NOX1: variants seen among roughly 807,000 people sequenced by gnomAD.
NOX1 encodes NADH/NADPH mitogenic oxidase subunit P65-MOX.
Under a neutral mutation model 42.5 loss-of-function variants are expected in NOX1, and 34 were observed. The observed-to-expected ratio is 0.80, with a 90% CI of 0.61 to 1.07. The LOEUF is 1.07. NOX1 is among the 50% of genes least tolerant of loss of function. The pLI, the probability that NOX1 is intolerant of heterozygous loss-of-function variation, is 0.00. For missense variants in NOX1, 408 were observed against 427.0 expected (o/e 0.96, Z 0.39); for synonymous variants, 143 against 152.5 (o/e 0.94, Z 0.46).
chrX:100,862,442 A>G lies in NOX1; in HGVS notation c.621T>C (p.Thr207=). ...GGATATAGAAGATAAAAAGGTGGTG[A>G]GTATACCAGAAGACTTCAAAATAAC... ...RRSYFEVFWY[T]HHLFIFYILG... Residue 207 remains threonine, a synonymous_variant, in exon 6 of 13, where the codon ACT becomes ACC. Coordinates refer to ENST00000372966, the MANE Select transcript of NOX1 (RefSeq NM_007052.5). The G allele has an allele frequency of 1.7e-6, 2 of 1,211,038 alleles. No individual in the cohort carries two copies. The highest frequency in any genetic ancestry group is 2.2e-6 in the Non-Finnish European group (2 of 894,780).
intron 7 of NOX1, among the ~76,000 whole-genome samples, chrX:100,852,184 T>C (rs1331642194): frequency 8.9e-6 from 1 of 112,297 alleles, no homozygotes; most frequent in East Asian, 2.8e-4. Flanking sequence ...AAGGCAGCTT[T>C]TTGGCCAGGC....
intron 7 of NOX1, among the ~76,000 whole-genome samples, chrX:100,854,806 G>A (rs1446335278): frequency 9.0e-6 from 1 of 111,077 alleles, no homozygotes; most frequent in Non-Finnish European, 1.9e-5. Flanking sequence ...TTACACCAAG[G>A]TTTCTGAAGA....
At chrX:100,851,398 A>C in intron 7 of NOX1, 73 bp from the exon 8 acceptor site, 1 of 528,682 alleles carries the variant, frequency 1.9e-6, no homozygotes, top group African/African-American at 2.4e-5. Flanking sequence ...GTAGCAGTTC[A>C]TCCTTCATTC....
intron 9 of NOX1, 43 bp from the exon 10 acceptor site, chrX:100,849,977 C>T (rs763564875): frequency 4.4e-5 from 49 of 1,115,250 alleles, no homozygotes; most frequent in Admixed American, 1.9e-4. Flanking sequence ...AGACTCCCCT[C>T]CACCTCCAAC....
chrX:100,858,480 A>G (rs1042293542), intron 7 of NOX1, among the ~76,000 whole-genome samples: 2 of 111,062 alleles, frequency 1.8e-5, no homozygotes, highest in African/African-American at 6.6e-5. Flanking sequence ...TGTCATTGGT[A>G]GTTTGGTAGG....
intron 12 of NOX1, among the ~76,000 whole-genome samples, chrX:100,847,949 G>C (rs1477316426): frequency 2.7e-5 from 3 of 109,850 alleles, no homozygotes; most frequent in Non-Finnish European, 5.7e-5. Context: ...AGCTCAGGTG[G>C]CCAGTAAACT....
intron 2 of NOX1, among the ~76,000 whole-genome samples, chrX:100,869,351 T>C (rs1320676519): frequency 9.2e-6 from 1 of 109,043 alleles, no homozygotes; most frequent in African/African-American, 3.3e-5. Context: ...CAGCGGTTTG[T>C]AGTTCTCCTT....
chrX:100,866,607 T>G (rs1191749568), intron 2 of NOX1, among the ~76,000 whole-genome samples: 1 of 110,549 alleles, frequency 9.0e-6, no homozygotes, highest in Admixed American at 9.8e-5. Flanking sequence ...TTGCGGTTTT[T>G]GCAAACAGTT....
chrX:100,854,826 C>T lies in NOX1; in HGVS notation c.805-3501G>A, dbSNP rs1401844574. Among the ~76,000 whole-genome samples, 14 of 111,459 alleles carry T rather than the reference C, an allele frequency of 1.3e-4. 1 individual carries two copies. In the Admixed American group the frequency reaches 1.3e-3, roughly 11 times the overall value. On this transcript the variant is annotated intron_variant, in intron 7 of 12. Transcript: ENST00000372966. ...CCAAGGTTTCTGAAGACAATGGCTT[C>T]TCCACCCAAGCAGGTTGTATATAAA...
rs1333747977 is a variant in NOX1 at position 100,849,843 on chromosome X, G to A, written c.1225C>T (p.Pro409Ser). 1.7e-6 allele frequency: 2 copies of A among 1,211,017 alleles called. No individual in the cohort carries two copies. The highest frequency in any genetic ancestry group is 2.2e-6 in the Non-Finnish European group (2 of 894,878). Residue 409 changes from proline (P) to serine (S), a missense_variant, in exon 10 of 13, where the codon CCC becomes TCC. Coordinates refer to ENST00000372966, the MANE Select transcript of NOX1 (RefSeq NM_007052.5). ...VLVGAGIGVT[P>S]FASILKSIWY... is the part of the protein sequence containing the mutation. Reference sequence around the variant, plus strand: ...ATGGATTTCAAGATAGAAGCAAAGGGGGTGACCCCAATTCCTGCTCCAACC... The same window carrying A: ...ATGGATTTCAAGATAGAAGCAAAGGAGGTGACCCCAATTCCTGCTCCAACC...
At chrX:100,858,430 T>C (rs923295836) in intron 7 of NOX1, among the ~76,000 whole-genome samples, 6 of 111,943 alleles carry the variant, frequency 5.4e-5, no homozygotes, top group African/African-American at 2.0e-4. Context: ...TGGTTTCATA[T>C]GAATTTTGAA....
chrX:100,848,094 G>A (rs1399507132), intron 12 of NOX1, among the ~76,000 whole-genome samples: 2 of 111,533 alleles, frequency 1.8e-5, no homozygotes, highest in African/African-American at 3.3e-5. Context: ...CTGTTTGAAT[G>A]GAGTTTGCTG....
At chrX:100,869,381 C>T (rs2085258787) in intron 2 of NOX1, among the ~76,000 whole-genome samples, 1 of 107,004 alleles carries the variant, frequency 9.3e-6, no homozygotes, top group Non-Finnish European at 1.9e-5. Context: ...CTTCACATCC[C>T]TTGTAAGTTG....
At chrX:100,873,326 A>G (rs1009596948) in intron 1 of NOX1, among the ~76,000 whole-genome samples, 3 of 111,295 alleles carry the variant, frequency 2.7e-5, no homozygotes, top group Admixed American at 1.9e-4. Flanking sequence ...GAGTGATGCC[A>G]ATTCAGTCAA....
At chrX:100,844,259 C>G (rs758288246) in intron 12 of NOX1, among the ~76,000 whole-genome samples, 181 bp from the exon 13 acceptor site, 1 of 111,334 alleles carries the variant, frequency 9.0e-6, no homozygotes, top group East Asian at 2.8e-4. Flanking sequence ...GCTCTCAGCC[C>G]TTAACACTCT....
intron 7 of NOX1, among the ~76,000 whole-genome samples, chrX:100,861,118 T>C (rs2085200404): frequency 9.0e-6 from 1 of 111,437 alleles, no homozygotes; most frequent in South Asian, 3.8e-4. Flanking sequence ...AGAAACATGT[T>C]CCTCCACTTC....
At chrX:100,869,269 G>A (rs960508266) in intron 2 of NOX1, among the ~76,000 whole-genome samples, 2 of 111,354 alleles carry the variant, frequency 1.8e-5, no homozygotes, top group Admixed American at 9.6e-5. Flanking sequence ...CCATTTTCAC[G>A]ATATTGATTC....
chrX:100,872,847 C>G (rs748531427), intron 1 of NOX1, among the ~76,000 whole-genome samples: 84 of 110,522 alleles, frequency 7.6e-4, no homozygotes, highest in Middle Eastern at 4.7e-3. Context: ...TAGCAGAATT[C>G]AAAGTACTTG....
At chrX:100,844,849 T>G (rs751640359) in intron 12 of NOX1, among the ~76,000 whole-genome samples, 1 of 111,950 alleles carries the variant, frequency 8.9e-6, no homozygotes, top group East Asian at 2.8e-4. Flanking sequence ...GTAAATAAAT[T>G]AGAAAAATGC....
Sources: allele counts gnomAD v4.1 joint callset (sites outside exome capture counted in the v4.1 genomes callset), GRCh38; gene constraint gnomAD v4.1.1; transcripts MANE v1.5; gene names NCBI Gene and HGNC (gene_info 2026-07-23, HGNC 2026-07-21).